SCAMP2: variants seen among roughly 807,000 people sequenced by gnomAD.
SCAMP2 encodes the protein secretory carrier membrane protein 2, also known as secretory carrier-associated membrane protein 2.
Under a neutral mutation model 44.1 loss-of-function variants are expected in SCAMP2, and 25 were observed. That is an observed-to-expected ratio of 0.57 (90% confidence interval 0.41 to 0.79). The LOEUF (loss-of-function observed/expected upper bound fraction) is 0.79, where lower values mean the gene tolerates loss of function less well. Among genes scored for constraint, SCAMP2 ranks in the 30% least tolerant of loss-of-function variants. The pLI, the probability that SCAMP2 is intolerant of heterozygous loss-of-function variation, is 0.00. For missense variants in SCAMP2, 355 were observed against 411.0 expected, an observed-to-expected ratio of 0.86 and a Z score of 1.18; for synonymous variants, 156 against 166.0, an observed-to-expected ratio of 0.94 and a Z score of 0.46.
intron 1 of SCAMP2, among the ~76,000 whole-genome samples, chr15:74,860,780 G>A (rs1567253339): frequency 6.6e-6 from 1 of 151,646 alleles, no homozygotes; most frequent in Admixed American, 6.6e-5. Context: ...TTGAACCCAG[G>A]AGGAGGCTGC....
chr15:74,870,330 C>T (rs1265945258), intron 1 of SCAMP2, among the ~76,000 whole-genome samples: 1 of 152,204 alleles, frequency 6.6e-6, no homozygotes, highest in East Asian at 1.9e-4. Flanking sequence ...TTGCCCTCTG[C>T]TAACACTGGA....
In SCAMP2 at chr15:74,845,099, G is replaced by C. The variant is rs768374541; in HGVS notation, c.974C>G (p.Ala325Gly). The C allele has an allele frequency of 6.2e-7, 1 of 1,613,802 alleles. No individual in the cohort carries two copies. ...HRAASSAAQG[A>G]FQGN ...AGAGGAGGACTAATTCCCCTGGAAG[G>C]CTCCTTGGGCAGCAGATGAAGCAGC... Residue 325 changes from alanine (A) to glycine (G), a missense_variant, in exon 9 of 9, where the codon GCC (alanine) becomes GGC (glycine). Physicochemically the swap from Ala to Gly is moderately conservative, Grantham distance 60. Transcript: ENST00000268099.
chr15:74,862,990 G>A (rs1247360931), intron 1 of SCAMP2, among the ~76,000 whole-genome samples: 1 of 151,362 alleles, frequency 6.6e-6, no homozygotes, highest in African/African-American at 2.4e-5. Context: ...TGAGAGAATC[G>A]CTTGAGCCCA....
chr15:74,872,272 G>A (rs2064581848), intron 1 of SCAMP2, among the ~76,000 whole-genome samples: 1 of 152,010 alleles, frequency 6.6e-6, no homozygotes, highest in Non-Finnish European at 1.5e-5. Flanking sequence ...AATTAGCTGG[G>A]TGTGGTGGCA....
chr15:74,865,381 A>AG (rs540530836), intron 1 of SCAMP2, among the ~76,000 whole-genome samples: 1 of 45,652 alleles, frequency 2.2e-5, no homozygotes, highest in Non-Finnish European at 7.1e-5. Context: ...ACTTTGTCTC[A>AG]AAAAAAAAAA....
chr15:74,858,412 T>C (rs1027602940), intron 1 of SCAMP2, among the ~76,000 whole-genome samples: 1 of 152,014 alleles, frequency 6.6e-6, no homozygotes, highest in Non-Finnish European at 1.5e-5. Context: ...GCTGAGAGAG[T>C]CACTCCAATC....
intron 1 of SCAMP2, among the ~76,000 whole-genome samples, chr15:74,869,819 T>C (rs1375255649): frequency 6.6e-6 from 1 of 152,144 alleles, no homozygotes; most frequent in Non-Finnish European, 1.5e-5. Flanking sequence ...GGTGTGACAG[T>C]TTCTGAGTCT....
chr15:74,851,394 T>C lies in SCAMP2; in HGVS notation c.431A>G (p.Asp144Gly), dbSNP rs759244103. The C allele has an allele frequency of 6.2e-7, 1 of 1,614,018 alleles. No homozygotes were observed. Among genetic ancestry groups the C allele is most frequent in the Non-Finnish European group, 8.5e-7 (1 of 1,179,946 alleles). The change falls in exon 5 of 9, where the codon GAC (aspartate) becomes GGC (glycine). Residue 144 changes from aspartate to glycine, a missense_variant. Transcript: ENST00000268099. ...YQDFSTEIPA[D>G]YQRICKMLYY... ...GAGCATCTTGCATATCCGCTGGTAGTCGGCAGGGATCTCTGTGGAGAAATC... is the reference window on the plus strand; with the variant it reads ...GAGCATCTTGCATATCCGCTGGTAGCCGGCAGGGATCTCTGTGGAGAAATC...
At chr15:74,848,970 A>G (rs776538345) in intron 6 of SCAMP2, among the ~76,000 whole-genome samples, 6 of 152,098 alleles carry the variant, frequency 3.9e-5, no homozygotes, top group Non-Finnish European at 7.4e-5. Flanking sequence ...CCCAAAGGAC[A>G]ATATAAAGAG....
intron 3 of SCAMP2, 85 bp from the exon 4 acceptor site, chr15:74,852,271 T>C: frequency 1.0e-6 from 1 of 995,916 alleles, no homozygotes. Context: ...AGAGAGGCCT[T>C]GCCCCAGGCA....
intron 1 of SCAMP2, among the ~76,000 whole-genome samples, chr15:74,868,417 G>A (rs896792930): frequency 3.4e-4 from 51 of 152,220 alleles, no homozygotes; most frequent in Non-Finnish European, 1.9e-4. Flanking sequence ...TATAACGACT[G>A]AGCAGAAAAC....
chr15:74,862,850 C>CCACA (rs1555475203), intron 1 of SCAMP2, among the ~76,000 whole-genome samples: 1 of 34,234 alleles, frequency 2.9e-5, no homozygotes, highest in Non-Finnish European at 6.8e-5. Flanking sequence ...AAAAAACAAA[C>CCACA]CATACACACA....
chr15:74,869,417 A>T (rs12101507), intron 1 of SCAMP2, among the ~76,000 whole-genome samples: 2 of 152,118 alleles, frequency 1.3e-5, no homozygotes, highest in Non-Finnish European at 2.9e-5. Context: ...GCTAATACTA[A>T]TTTGTTACTT....
intron 2 of SCAMP2, 104 bp downstream of exon 2, chr15:74,854,477 C>T (rs1049014029): frequency 9.3e-6 from 9 of 970,662 alleles, no homozygotes; most frequent in African/African-American, 1.6e-5. Context: ...TGAGGACTGC[C>T]GCTTCTCAGA....
chr15:74,848,466 C>T lies in SCAMP2; in HGVS notation c.734+134G>A, dbSNP rs2064413487. The stretch of plus-strand genomic sequence containing the variant: ...AGAGAAGGCCCAAAGCAGATCCGAG[C>T]TGGCCCACTCACCCACTCCCCGCCA... On this transcript the variant is annotated intron_variant, in intron 7 of 8. Transcript: ENST00000268099. The T allele has an allele frequency of 5.3e-5, 32 of 602,952 alleles. 1 individual carries two copies. In the South Asian group the frequency reaches 6.6e-4, roughly 12 times the overall value. 37.4% of individuals were successfully genotyped at this position (602,952 alleles called of 1,614,324 possible). A position where few individuals can be genotyped will look rare whatever the true frequency, so the allele number is the denominator to read the frequency against.
Position 74,844,912 on chromosome 15 carries a change from C to T in SCAMP2, c.*171G>A. The T allele has an allele frequency of 1.5e-6, 1 of 673,234 alleles. No homozygotes were observed. The highest frequency in any genetic ancestry group is 2.7e-5 in the East Asian group (1 of 36,394). 41.7% of individuals were successfully genotyped at this position (673,234 alleles called of 1,614,324 possible). A position where few individuals can be genotyped will look rare whatever the true frequency, so the allele number is the denominator to read the frequency against. Reference sequence around the variant, plus strand: ...TTGTACATAGAGGGGGAAAAAATTCCCTGTCCCTCCCGTTCCAGGGAGAGC... The same window carrying T: ...TTGTACATAGAGGGGGAAAAAATTCTCTGTCCCTCCCGTTCCAGGGAGAGC... On this transcript the variant is annotated 3_prime_UTR_variant, in exon 9 of 9. Coordinates refer to ENST00000268099, the MANE Select transcript of SCAMP2 (RefSeq NM_005697.5).
chr15:74,866,548 C>T (rs1050887506), intron 1 of SCAMP2, among the ~76,000 whole-genome samples: 1 of 151,978 alleles, frequency 6.6e-6, no homozygotes, highest in African/African-American at 2.4e-5. Context: ...CCCACCTCTA[C>T]GAAAAATACA....
intron 1 of SCAMP2, among the ~76,000 whole-genome samples, chr15:74,861,840 G>A (rs2064505735): frequency 6.8e-6 from 1 of 146,622 alleles, no homozygotes; most frequent in African/African-American, 2.6e-5. Context: ...GGTGGAGCTT[G>A]CAGCGAGCCG....
intron 1 of SCAMP2, 101 bp from the exon 2 acceptor site, chr15:74,854,750 A>C (rs2064457384): frequency 4.8e-5 from 50 of 1,034,574 alleles, no homozygotes; most frequent in Middle Eastern, 5.3e-4. Flanking sequence ...GCAGCTGATC[A>C]CCCTCCCGGG....
Sources: gnomAD v4.1 joint callset for allele counts (sites outside exome capture counted in the v4.1 genomes callset) on GRCh38, gnomAD v4.1.1 for gene constraint, MANE v1.5 for transcripts, NCBI Gene and HGNC (gene_info 2026-07-23, HGNC 2026-07-21) for gene names.